Variants in IL17D observed in about 807,000 individuals in gnomAD.
IL17D encodes interleukin 17D.
In IL17D, 10 loss-of-function variants were observed where a neutral mutation model predicts 5.7. The ratio of observed to expected loss-of-function variants is 1.75; its 90% CI spans 1.08 to 2.97. The LOEUF is 2.97. IL17D is among the 30% of genes most tolerant of loss of function. IL17D has a pLI of 0.00. For synonymous variants in IL17D, 172 were observed against 141.7 expected, an observed-to-expected ratio of 1.21 and a Z score of -1.52; for missense variants, 354 against 292.7, an observed-to-expected ratio of 1.21 and a Z score of -1.53.
rs948087756 is a variant in IL17D at position 20,716,703 on chromosome 13, C to T, written c.291-4933C>T. Among the ~76,000 whole-genome samples, 69 of 152,294 alleles carry T rather than the reference C, an allele frequency of 4.5e-4. No homozygotes were observed. The highest frequency in any genetic ancestry group is 1.6e-3 in the African/African-American group (65 of 41,554). On this transcript the variant is annotated intron_variant, in intron 1 of 1. Transcript: ENST00000682841. This position sits in a 1 kb window ranked among gnomAD's most constrained non-coding sequence, Gnocchi z 4.2. ...TGAACTCATTGACCTTCGGATCTGG[C>T]GAGCCACGCTACCGAGGCAGGCTGT...
intron 1 of IL17D, among the ~76,000 whole-genome samples, chr13:20,709,653 T>C (rs1351690029): frequency 6.6e-6 from 1 of 152,172 alleles, no homozygotes; most frequent in African/African-American, 2.4e-5. Context: ...TATGAGGGTC[T>C]CTGGAGGCTG....
chr13:20,704,505 T>G (rs2058575241), intron 1 of IL17D, among the ~76,000 whole-genome samples: 1 of 61,102 alleles, frequency 1.6e-5, no homozygotes, highest in African/African-American at 7.0e-5. Context: ...CAGGGTAGGG[T>G]ACGGTAGGGT....
intron 1 of IL17D, among the ~76,000 whole-genome samples, chr13:20,705,316 G>A (rs958345403): frequency 3.3e-5 from 5 of 151,652 alleles, no homozygotes; most frequent in Non-Finnish European, 7.4e-5. Flanking sequence ...GAGCGGGGGC[G>A]GTGGGGGTGG....
chr13:20,704,057 C>G lies in IL17D; in HGVS notation c.56C>G (p.Pro19Arg). 9.3e-7 allele frequency: 1 copy of G among 1,075,398 alleles called. No homozygotes were observed. The highest frequency in any genetic ancestry group is 1.1e-6 in the Non-Finnish European group (1 of 893,134). The allele number at this position is 1,075,398 out of a possible 1,614,324, so 66.6% of individuals were successfully genotyped here. ...CCGCCGAGCTGGGCCGCGGGCGCCC[C>G]GAGGGCGGGCAGGCGCCCCGCGCGG... is the stretch of plus-strand genomic sequence containing the variant. ...ALPPSWAAGA[P>R]RAGRRPARPR... Residue 19 changes from proline to arginine, a missense_variant, in exon 1 of 2, where the codon CCG becomes CGG. By Grantham distance (103) the Pro-to-Arg change is moderately radical. Coordinates refer to ENST00000682841, the MANE Select transcript of IL17D (RefSeq NM_001385224.1).
chr13:20,708,235 C>A (rs1271303741), intron 1 of IL17D, among the ~76,000 whole-genome samples: 1 of 152,192 alleles, frequency 6.6e-6, no homozygotes, highest in East Asian at 1.9e-4. Flanking sequence ...AGAGAGAATG[C>A]TGAGAAAGAC....
chr13:20,714,661 C>T (rs1566519821), intron 1 of IL17D, among the ~76,000 whole-genome samples: 1 of 152,180 alleles, frequency 6.6e-6, no homozygotes, highest in East Asian at 1.9e-4. Flanking sequence ...CAGGACTGAC[C>T]GCTAGTTCTC....
At chr13:20,718,450 TCA>T (rs1320076821) in intron 1 of IL17D, among the ~76,000 whole-genome samples, 14 of 132,924 alleles carry the variant, frequency 1.1e-4, no homozygotes, top group East Asian at 4.5e-4. Flanking sequence ...CCGCCCATGC[TCA>T]CACACCCACA....
intron 1 of IL17D, among the ~76,000 whole-genome samples, chr13:20,719,338 C>T (rs923102080): frequency 1.3e-5 from 2 of 148,994 alleles, no homozygotes; most frequent in Middle Eastern, 3.6e-3. Flanking sequence ...CCCACACTCA[C>T]CCACACACAC....
chr13:20,715,518 G>A (rs1370616697), intron 1 of IL17D, among the ~76,000 whole-genome samples: 1 of 152,080 alleles, frequency 6.6e-6, no homozygotes, highest in Non-Finnish European at 1.5e-5. Flanking sequence ...TAGCCTTTAG[G>A]GATAGCGCTT....
intron 1 of IL17D, among the ~76,000 whole-genome samples, chr13:20,717,939 A>G (rs2058690517): frequency 6.6e-6 from 1 of 152,128 alleles, no homozygotes; most frequent in Non-Finnish European, 1.5e-5. Context: ...CGCCTGAGTG[A>G]CAGTTGTTCA....
At chr13:20,707,414 C>G (rs1197972828) in intron 1 of IL17D, among the ~76,000 whole-genome samples, 1 of 133,788 alleles carries the variant, frequency 7.5e-6, no homozygotes, top group East Asian at 2.1e-4. Flanking sequence ...GCACTCCGGC[C>G]TGGGCAACAG....
intron 1 of IL17D, among the ~76,000 whole-genome samples, chr13:20,719,720 G>A (rs1306821874): frequency 6.6e-6 from 1 of 152,142 alleles, no homozygotes; most frequent in African/African-American, 2.4e-5. Context: ...TATCTGCCCC[G>A]CAGGCCTTCT....
Position 20,704,005 on chromosome 13 carries a change from C to T in IL17D, c.4C>T (p.Leu2=). M[L]VAGFLLALPP... ...GTGGCCTGTCCCTCAGGTCTGGATG[C>T]TGGTAGCCGGCTTCCTGCTGGCGCT... The change falls in exon 1 of 2, where the codon CTG becomes TTG. Residue 2 remains leucine, a synonymous_variant. Transcript: ENST00000682841. 2 of 1,020,954 alleles carry T rather than the reference C, an allele frequency of 2.0e-6. No individual in the cohort carries two copies. The highest frequency in any genetic ancestry group is 4.5e-5 in the South Asian group (1 of 22,350). 63.2% of individuals were successfully genotyped at this position (1,020,954 alleles called of 1,614,324 possible).
At chr13:20,706,787 C>A (rs2058594881) in intron 1 of IL17D, among the ~76,000 whole-genome samples, 2 of 152,064 alleles carry the variant, frequency 1.3e-5, no homozygotes, top group African/African-American at 4.8e-5. Flanking sequence ...GATCTGGGAG[C>A]CGAGGGAGGT....
upstream of IL17D, chr13:20,703,338 G>C (rs767809353): frequency 5.1e-6 from 5 of 985,990 alleles, no homozygotes; most frequent in Non-Finnish European, 6.0e-6. Context: ...CACTGCACAA[G>C]TGACAAAATG....
At chr13:20,720,332 C>A (rs1025838012) in intron 1 of IL17D, among the ~76,000 whole-genome samples, 1 of 151,984 alleles carries the variant, frequency 6.6e-6, no homozygotes. Context: ...ATCTTCCCCC[C>A]AATAGTCTGA....
At chr13:20,708,242 A>G (rs1466876512) in intron 1 of IL17D, among the ~76,000 whole-genome samples, 1 of 152,214 alleles carries the variant, frequency 6.6e-6, no homozygotes, top group Non-Finnish European at 1.5e-5. Flanking sequence ...ATGCTGAGAA[A>G]GACAGATAGG....
chr13:20,710,731 T>A (rs2058630103), intron 1 of IL17D, among the ~76,000 whole-genome samples: 1 of 151,994 alleles, frequency 6.6e-6, no homozygotes, highest in African/African-American at 2.4e-5. Flanking sequence ...TTTTTGGTAG[T>A]CGTCTAAAGA....
intron 1 of IL17D, among the ~76,000 whole-genome samples, chr13:20,714,377 G>A (rs1396181129): frequency 6.6e-6 from 1 of 152,196 alleles, no homozygotes; most frequent in Non-Finnish European, 1.5e-5. Flanking sequence ...CACCGCATCT[G>A]TTATTACCGT....
Sources: gnomAD v4.1 joint callset for allele counts (sites outside exome capture counted in the v4.1 genomes callset) on GRCh38, gnomAD v4.1.1 for gene constraint, Gnocchi (gnomAD v3.1) non-coding constraint, MANE v1.5 for transcripts, NCBI Gene and HGNC (gene_info 2026-07-23, HGNC 2026-07-21) for gene names.